SPECC1: variants seen among roughly 807,000 people sequenced by gnomAD.
SPECC1 encodes sperm antigen with calponin homology and coiled-coil domains 1.
A neutral mutation model predicts 104.1 loss-of-function variants in SPECC1; 62 were observed. The ratio of observed to expected loss-of-function variants is 0.60; its 90% confidence interval spans 0.49 to 0.74. The LOEUF (loss-of-function observed/expected upper bound fraction) is 0.74. SPECC1 is among the 30% of genes least tolerant of loss of function. The pLI is 0.00. For synonymous variants in SPECC1, 513 were observed against 501.6 expected (o/e 1.02, Z -0.30); for missense variants, 1,306 against 1,310.5 (o/e 1.00, Z 0.05).
At chr17:20,108,015 A>AAG (rs2048317127) in intron 2 of SPECC1, among the ~76,000 whole-genome samples, 1 of 152,180 alleles carries the variant, frequency 6.6e-6, no homozygotes, top group Non-Finnish European at 1.5e-5. Flanking sequence ...AAAAACAAAA[A>AAG]GACTTCTACC....
At chr17:20,246,198 C>A in intron 8 of SPECC1, 127 bp downstream of exon 8, 2 of 1,108,954 alleles carry the variant, frequency 1.8e-6, no homozygotes, top group Non-Finnish European at 2.6e-6. Context: ...TTTCCAGGTC[C>A]TACCACGTGC....
At chr17:20,238,120 C>T (rs748709571) in intron 7 of SPECC1, 49 of 1,029,096 alleles carry the variant, frequency 4.8e-5, no homozygotes, top group Admixed American at 1.1e-4. Flanking sequence ...TGCCTCCAAG[C>T]TTTGGGTTGA....
intron 12 of SPECC1, among the ~76,000 whole-genome samples, chr17:20,287,748 C>CT (rs35144997): frequency 0.27 from 40,216 of 146,464 alleles, 6,526 homozygotes; most frequent in African/African-American, 0.48. Context: ...GTACACATAG[C>CT]TTTTTTTTTT....
At chr17:20,297,141 C>G (rs2041380992) in intron 13 of SPECC1, 64 bp downstream of exon 13, 1 of 1,425,158 alleles carries the variant, frequency 7.0e-7, no homozygotes, top group Admixed American at 1.8e-5. Flanking sequence ...ATTGATAAAC[C>G]CCACTGTGGG....
At position 20,156,613 on chromosome 17, in the gene SPECC1, C is replaced by G. The variant is rs554212659; in HGVS notation, c.283+46051C>G. 7.2e-5 allele frequency among the ~76,000 whole-genome samples: 11 copies of G among 152,264 alleles called. No individual in the cohort carries two copies. In the East Asian group the frequency reaches 1.2e-3, roughly 16 times the overall value. ...GGCGTGCCCCGCGGCCTCTCCCTGT[C>G]GGCCGCCGGCCCCGCAGTTTGTGGC... On this transcript the variant is annotated intron_variant, in intron 3 of 14. Coordinates refer to ENST00000395527, the MANE Select transcript of SPECC1 (RefSeq NM_001243439.2).
chr17:20,185,489 T>C (rs902368925), intron 3 of SPECC1, among the ~76,000 whole-genome samples: 5 of 152,238 alleles, frequency 3.3e-5, no homozygotes, highest in Non-Finnish European at 5.9e-5. Context: ...AGCTGTCATC[T>C]CAGCCAGGGT....
In SPECC1 at chr17:20,297,052, A is replaced by T. The variant is rs1173554350; in HGVS notation, c.3032A>T (p.Tyr1011Phe). The change falls in exon 13 of 15, where the codon TAC (tyrosine) becomes TTC (phenylalanine). Residue 1011 changes from tyrosine to phenylalanine, a missense_variant. This residue lies in a region of SPECC1 where 129 missense variants were observed against 170.6 expected (regional missense o/e 0.76). Transcript: ENST00000395527. ...ACCTACCTGCCTGCCCACATCCCCTACCAGGAGCTGAATAGTCAGGAGAAA... is the reference window on the plus strand; with the variant it reads ...ACCTACCTGCCTGCCCACATCCCCTTCCAGGAGCTGAATAGTCAGGAGAAA... Reference protein sequence around the residue: ...LHTYLPAHIPYQELNSQEKKR... With the variant: ...LHTYLPAHIPFQELNSQEKKR... 2 of 1,614,036 alleles carry T rather than the reference A, an allele frequency of 1.2e-6. No homozygotes were observed. The highest frequency in any genetic ancestry group is 4.5e-5 in the East Asian group (2 of 44,880).
intron 1 of SPECC1, among the ~76,000 whole-genome samples, chr17:20,024,244 A>G (rs771132760): frequency 1.3e-5 from 2 of 152,250 alleles, no homozygotes; most frequent in Admixed American, 1.3e-4. Flanking sequence ...TTGTGCCTTC[A>G]GGTTGTACAG....
At chr17:20,086,664 AGCAGAGGGAGGGGCAGTGGAC>A (rs1376531081) in intron 1 of SPECC1, among the ~76,000 whole-genome samples, 6 of 152,134 alleles carry the variant, frequency 3.9e-5, no homozygotes, top group Non-Finnish European at 8.8e-5. Flanking sequence ...AAGTATAGTG[AGCAGAGGGAGGGGCAGTGGAC>A]GTGGTGAGGG....
At chr17:20,256,968 T>G (rs2039856146) in intron 10 of SPECC1, among the ~76,000 whole-genome samples, 1 of 152,240 alleles carries the variant, frequency 6.6e-6, no homozygotes, top group African/African-American at 2.4e-5. Flanking sequence ...CTACTTCTTG[T>G]TTAGCAAGCC....
intron 1 of SPECC1, among the ~76,000 whole-genome samples, chr17:20,025,681 A>G (rs576062410): frequency 6.6e-6 from 1 of 152,246 alleles, no homozygotes; most frequent in South Asian, 2.1e-4. Context: ...CCCATGTACA[A>G]GTTTTTATGT....
Position 20,048,254 on chromosome 17 carries a change from T to C in SPECC1, c.-22+38830T>C, listed in dbSNP as rs372672824. The stretch of plus-strand genomic sequence containing the variant: ...GTTCACGCCATTCTCCTGCCTCAGC[T>C]TCCCAAGTAGCTGGGACTACAGGCA... On this transcript the variant is annotated intron_variant, in intron 1 of 14. Coordinates refer to ENST00000395527, the MANE Select transcript of SPECC1 (RefSeq NM_001243439.2). Among the ~76,000 whole-genome samples the C allele has an allele frequency of 3.3e-3, 505 of 151,456 alleles. 3 individuals are homozygous for C. The highest frequency in any genetic ancestry group is 0.011 in the African/African-American group (474 of 41,280).
At chr17:20,236,956 G>A in intron 7 of SPECC1, 1 of 1,610,258 alleles carries the variant, frequency 6.2e-7, no homozygotes, top group Non-Finnish European at 8.5e-7. Flanking sequence ...AGATGAAAGG[G>A]GGAATGTGTA....
Position 20,032,764 on chromosome 17 carries a change from A to G in SPECC1, c.-22+23340A>G, listed in dbSNP as rs186327002. Among the ~76,000 whole-genome samples the G allele has an allele frequency of 2.9e-4, 44 of 151,930 alleles. No homozygotes were observed. In the East Asian group the frequency reaches 8.3e-3, roughly 29 times the overall value. On this transcript the variant is annotated intron_variant, in intron 1 of 14. Coordinates refer to ENST00000395527, the MANE Select transcript of SPECC1 (RefSeq NM_001243439.2). ...CCAAAGTCTTTTTCTGTTAAATCTGATAACTGTTTGCTCTCACTTGCAGTT... is the reference window on the plus strand; with the variant it reads ...CCAAAGTCTTTTTCTGTTAAATCTGGTAACTGTTTGCTCTCACTTGCAGTT...
At chr17:20,296,302 G>T (rs1312429484) in intron 12 of SPECC1, among the ~76,000 whole-genome samples, 1 of 152,134 alleles carries the variant, frequency 6.6e-6, no homozygotes, top group Non-Finnish European at 1.5e-5. Context: ...GCTTGTTTTT[G>T]TCAGGTTTGT....
intron 9 of SPECC1, among the ~76,000 whole-genome samples, chr17:20,253,086 G>A (rs1024838560): frequency 2.6e-5 from 4 of 151,394 alleles, no homozygotes; most frequent in South Asian, 2.1e-4. Flanking sequence ...GTGAGGTGGC[G>A]TGTCACTGTG....
chr17:20,080,620 ACT>A (rs1465864657), intron 1 of SPECC1, among the ~76,000 whole-genome samples: 2 of 150,938 alleles, frequency 1.3e-5, no homozygotes, highest in Non-Finnish European at 3.0e-5. Context: ...AAAGAATGAG[ACT>A]CTCGTGGGGA....
At chr17:20,069,325 TA>T (rs2046466267) in intron 1 of SPECC1, among the ~76,000 whole-genome samples, 1 of 152,240 alleles carries the variant, frequency 6.6e-6, no homozygotes, top group African/African-American at 2.4e-5. Flanking sequence ...ATTTTCTTGA[TA>T]GTATCTTTTG....
intron 1 of SPECC1, among the ~76,000 whole-genome samples, chr17:20,058,271 C>G (rs575622139): frequency 6.6e-6 from 1 of 152,174 alleles, no homozygotes; most frequent in South Asian, 2.1e-4. Flanking sequence ...AAAAGCAGAC[C>G]CTGGGACTCA....
Sources: gnomAD v4.1 joint callset for allele counts (sites outside exome capture counted in the v4.1 genomes callset) on GRCh38, gnomAD v4.1.1 for gene constraint, gnomAD v4.1.1 regional missense constraint, MANE v1.5 for transcripts, NCBI Gene and HGNC (gene_info 2026-07-23, HGNC 2026-07-21) for gene names.